The following SEMA3D variants were observed in gnomAD, a reference collection of about 807,000 sequenced individuals.
SEMA3D encodes semaphorin-3D.
A neutral mutation model predicts 100.1 loss-of-function variants in SEMA3D; 84 were observed. The observed-to-expected ratio is 0.84, with a 90% CI of 0.70 to 1.01. The LOEUF is 1.01. SEMA3D is among the 50% of genes least tolerant of loss of function. SEMA3D has a pLI of 0.00. For missense variants in SEMA3D, 875 were observed against 934.1 expected, an observed-to-expected ratio of 0.94 and a Z score of 0.82; for synonymous variants, 312 against 320.7, an observed-to-expected ratio of 0.97 and a Z score of 0.29.
chr7:85,216,036 A>C, the SEMA3D span, among the ~76,000 whole-genome samples: 3 of 152,114 alleles, frequency 2.0e-5, no homozygotes, highest in African/African-American at 7.2e-5. Context: ...CCAAATGTTA[A>C]CATAGTTTAT....
At chr7:85,215,517 C>T in the SEMA3D span, among the ~76,000 whole-genome samples, 13 of 152,132 alleles carry the variant, frequency 8.5e-5, no homozygotes, top group East Asian at 1.9e-4. Context: ...GAGCAAGAGA[C>T]GGAGAACTGC....
At chr7:85,168,533 G>C (rs1277632772) in intron 1 of SEMA3D, among the ~76,000 whole-genome samples, 1 of 151,164 alleles carries the variant, frequency 6.6e-6, no homozygotes, top group Non-Finnish European at 1.5e-5. Flanking sequence ...TGTAATCTCA[G>C]CTCTGTGATA....
At chr7:85,047,664 A>G (rs1286760827) in intron 9 of SEMA3D, among the ~76,000 whole-genome samples, 2 of 151,856 alleles carry the variant, frequency 1.3e-5, no homozygotes, top group Admixed American at 6.6e-5. Flanking sequence ...GACATTTGAA[A>G]ACAAGTATTT....
the SEMA3D span, among the ~76,000 whole-genome samples, chr7:85,242,714 G>A: frequency 2.0e-5 from 3 of 152,050 alleles, no homozygotes; most frequent in Non-Finnish European, 1.5e-5. Context: ...TTTTGATGAA[G>A]CTCTGTTTTT....
chr7:85,238,591 A>G, the SEMA3D span, among the ~76,000 whole-genome samples: 1 of 152,174 alleles, frequency 6.6e-6, no homozygotes, highest in Non-Finnish European at 1.5e-5. Context: ...TGTCACTATT[A>G]CTGGAGCCTT....
chr7:85,091,072 A>AAGAGAAAGAG (rs1258274523), intron 4 of SEMA3D, among the ~76,000 whole-genome samples: 30 of 146,456 alleles, frequency 2.0e-4, no homozygotes, highest in African/African-American at 7.5e-4. Context: ...GAAGGAGAGA[A>AAGAGAAAGAG]AGAGAAAGAG....
the SEMA3D span, among the ~76,000 whole-genome samples, chr7:85,204,846 A>G: frequency 3.3e-5 from 5 of 152,014 alleles, no homozygotes; most frequent in African/African-American, 1.2e-4. Context: ...CCAACACACC[A>G]TTACAGTTTT....
At chr7:85,230,053 A>G in the SEMA3D span, among the ~76,000 whole-genome samples, 3 of 152,162 alleles carry the variant, frequency 2.0e-5, no homozygotes, top group African/African-American at 7.2e-5. Context: ...TGCCTTGTCA[A>G]TCTCTTACTA....
rs1218609442 is a variant in SEMA3D, at chr7:84,995,643, GACT to G, written c.*3794_*3796del. 2 of 151,840 alleles carry G rather than the reference GACT, an allele frequency of 1.3e-5. No homozygotes were observed. The highest frequency in any genetic ancestry group is 2.9e-5 in the Non-Finnish European group (2 of 67,884). 9.4% of individuals were successfully genotyped at this position (151,840 alleles called of 1,614,324 possible). A position where few individuals can be genotyped will look rare whatever the true frequency, so the allele number is the denominator to read the frequency against. ...AATTTTTAATTATTTCATACTACAA[GACT>G]ACATTTCTTTTAAAATAGCAGAATT... On this transcript the variant is annotated 3_prime_UTR_variant, in exon 19 of 19. Coordinates refer to ENST00000284136, the MANE Select transcript of SEMA3D (RefSeq NM_001384900.1).
the SEMA3D span, among the ~76,000 whole-genome samples, chr7:85,200,455 G>GGGGC: frequency 6.6e-6 from 1 of 152,176 alleles, no homozygotes; most frequent in Non-Finnish European, 1.5e-5. Flanking sequence ...CCCTGCCCTA[G>GGGGC]AGATTTATGG....
At chr7:85,029,652 T>A (rs1054755431) in intron 12 of SEMA3D, 1 of 415,986 alleles carries the variant, frequency 2.4e-6, no homozygotes. Context: ...AGCTCCTGCA[T>A]CTGGTGGTGC....
At chr7:85,087,849 A>G (rs1301720149) in intron 4 of SEMA3D, among the ~76,000 whole-genome samples, 3 of 152,152 alleles carry the variant, frequency 2.0e-5, no homozygotes, top group Admixed American at 1.3e-4. Flanking sequence ...ATATATCTGT[A>G]TATTTTCTTT....
At chr7:85,058,705 G>C (rs1175904938) in intron 8 of SEMA3D, among the ~76,000 whole-genome samples, 1 of 135,678 alleles carries the variant, frequency 7.4e-6, no homozygotes, top group African/African-American at 2.8e-5. Context: ...ACAAGATTGT[G>C]CCACTGCACT....
chr7:85,135,219 G>A (rs982176998), intron 2 of SEMA3D, among the ~76,000 whole-genome samples: 2 of 152,020 alleles, frequency 1.3e-5, no homozygotes, highest in Admixed American at 6.6e-5. Context: ...TTTAAAATCT[G>A]TATCTACATA....
chr7:85,068,887 A>C lies in SEMA3D; in HGVS notation c.496-603T>G, dbSNP rs150494049. 3.9e-4 allele frequency among the ~76,000 whole-genome samples: 59 copies of C among 152,304 alleles called. No individual in the cohort carries two copies. The East Asian group carries it at 0.011, about 28-fold the overall frequency. ...ACGAAAACACTGTACACATTAAACC[A>C]CATAGTTATTTTGGCTGAAACATCT... On this transcript the variant is annotated intron_variant, in intron 6 of 18. Coordinates refer to ENST00000284136, the MANE Select transcript of SEMA3D (RefSeq NM_001384900.1).
chr7:85,220,416 AC>A, the SEMA3D span, among the ~76,000 whole-genome samples: 34 of 151,870 alleles, frequency 2.2e-4, no homozygotes, highest in Admixed American at 2.0e-3. Context: ...CCAGGGGGAA[AC>A]AAAAAATGTT....
intron 2 of SEMA3D, among the ~76,000 whole-genome samples, chr7:85,135,960 C>A (rs1176677999): frequency 6.6e-6 from 1 of 151,976 alleles, no homozygotes; most frequent in East Asian, 1.9e-4. Flanking sequence ...TTTATCCTGT[C>A]TATACAATTC....
intron 18 of SEMA3D, among the ~76,000 whole-genome samples, chr7:85,000,573 C>G (rs1252253454): frequency 6.6e-6 from 1 of 152,132 alleles, no homozygotes; most frequent in Non-Finnish European, 1.5e-5. Flanking sequence ...AATTTTCATA[C>G]TGTATATATA....
rs189775292 is a variant in SEMA3D, at chr7:85,106,362, T to C, written c.152-8397A>G. 3.2e-4 allele frequency among the ~76,000 whole-genome samples: 48 copies of C among 152,054 alleles called. 1 individual carries two copies. The East Asian group carries it at 7.8e-3, about 25-fold the overall frequency. On this transcript the variant is annotated intron_variant, in intron 3 of 18. Transcript: ENST00000284136. ...TAATGTAGAAAACATCGGAAGGTCTTAACTTAATACAACATCTATTATTGA... is the reference window on the plus strand; with the variant it reads ...TAATGTAGAAAACATCGGAAGGTCTCAACTTAATACAACATCTATTATTGA...
Sources: allele counts gnomAD v4.1 joint callset (sites outside exome capture counted in the v4.1 genomes callset), GRCh38; gene constraint gnomAD v4.1.1; transcripts MANE v1.5; gene names NCBI Gene and HGNC (gene_info 2026-07-23, HGNC 2026-07-21).